The following LARGE1 variants were observed in gnomAD, a reference collection of about 807,000 sequenced individuals.
LARGE1 encodes the protein xylosyl- and glucuronyltransferase LARGE1.
In LARGE1, 43 loss-of-function variants were observed where a neutral mutation model predicts 87.6. The ratio of observed to expected loss-of-function variants is 0.49; its 90% CI spans 0.38 to 0.63. The LOEUF (loss-of-function observed/expected upper bound fraction) is 0.63. Among genes scored for constraint, LARGE1 ranks in the 30% least tolerant of loss-of-function variants. The pLI, the probability that LARGE1 is intolerant of heterozygous loss-of-function variation, is 0.00. For synonymous variants in LARGE1, 434 were observed against 394.6 expected (o/e 1.10, Z -1.18); for missense variants, 802 against 1,000.2 (o/e 0.80, Z 2.67).
At chr22:33,104,905 TTC>T in the LARGE1 span, among the ~76,000 whole-genome samples, 1 of 53,708 alleles carries the variant, frequency 1.9e-5, no homozygotes, top group Admixed American at 1.7e-4. Context: ...CTTTCTTTCT[TTC>T]TTTCTTTCTT....
intron 11 of LARGE1, among the ~76,000 whole-genome samples, chr22:33,181,755 C>T (rs1923177253): frequency 1.3e-5 from 2 of 150,978 alleles, no homozygotes; most frequent in Admixed American, 6.6e-5. Context: ...GTCTGGATCT[C>T]CTGACCTCGT....
intron 2 of LARGE1, among the ~76,000 whole-genome samples, chr22:33,722,797 G>A (rs2083147824): frequency 6.6e-6 from 1 of 152,174 alleles, no homozygotes; most frequent in Admixed American, 6.5e-5. Flanking sequence ...GACCCTGCAT[G>A]AGTTAACAAC....
At chr22:33,693,848 G>A (rs1040332049) in intron 2 of LARGE1, among the ~76,000 whole-genome samples, 1 of 151,976 alleles carries the variant, frequency 6.6e-6, no homozygotes, top group Admixed American at 6.6e-5. Context: ...AAAAAAAAGA[G>A]AGAGAAAAAA....
At chr22:33,687,504 T>C (rs2081979725) in intron 2 of LARGE1, among the ~76,000 whole-genome samples, 1 of 151,960 alleles carries the variant, frequency 6.6e-6, no homozygotes, top group Admixed American at 6.6e-5. Flanking sequence ...GACATTAACA[T>C]ATCCCCAGGG....
chr22:33,887,484 C>A (rs1468913118), intron 1 of LARGE1, among the ~76,000 whole-genome samples: 1 of 152,152 alleles, frequency 6.6e-6, no homozygotes, highest in Non-Finnish European at 1.5e-5. Flanking sequence ...CAGCTGTAAT[C>A]CTAGCACTTT....
At chr22:33,836,864 C>T (rs2063122539) in intron 1 of LARGE1, among the ~76,000 whole-genome samples, 1 of 151,468 alleles carries the variant, frequency 6.6e-6, no homozygotes, top group African/African-American at 2.4e-5. Flanking sequence ...TAAGTACCAA[C>T]TACCATTATG....
intron 1 of LARGE1, among the ~76,000 whole-genome samples, chr22:33,870,561 GT>G (rs2064246499): frequency 6.6e-6 from 1 of 150,412 alleles, no homozygotes; most frequent in Non-Finnish European, 1.5e-5. Flanking sequence ...TGTCTGTGTT[GT>G]TGTTGTTGTT....
chr22:33,408,416 T>C (rs1204523151), intron 7 of LARGE1, among the ~76,000 whole-genome samples: 2 of 152,172 alleles, frequency 1.3e-5, no homozygotes, highest in African/African-American at 4.8e-5. Context: ...CTTGCACACA[T>C]GTTTTTGTGT....
the LARGE1 span, among the ~76,000 whole-genome samples, chr22:33,137,510 G>A: frequency 1.3e-5 from 2 of 152,198 alleles, no homozygotes; most frequent in Admixed American, 1.3e-4. Context: ...TTTCTGAGGG[G>A]AAATTCAAGC....
At chr22:33,552,782 C>T (rs2077569527) in intron 6 of LARGE1, among the ~76,000 whole-genome samples, 1 of 152,212 alleles carries the variant, frequency 6.6e-6, no homozygotes, top group African/African-American at 2.4e-5. Flanking sequence ...TAAGTCACAT[C>T]TCAGTTTCGG....
At chr22:33,740,814 G>C (rs776786934) in intron 2 of LARGE1, among the ~76,000 whole-genome samples, 59 of 152,054 alleles carry the variant, frequency 3.9e-4, no homozygotes, top group Non-Finnish European at 7.5e-4. Flanking sequence ...AGCAAAAACA[G>C]TTCATGCCCT....
chr22:33,416,431 A>G (rs1423052412), intron 7 of LARGE1, among the ~76,000 whole-genome samples: 1 of 150,972 alleles, frequency 6.6e-6, no homozygotes, highest in Non-Finnish European at 1.5e-5. Context: ...GCAGGCCTCC[A>G]CTCTAGCTCT....
intron 6 of LARGE1, among the ~76,000 whole-genome samples, chr22:33,482,256 G>A (rs1016028843): frequency 3.9e-5 from 6 of 152,172 alleles, no homozygotes; most frequent in African/African-American, 1.4e-4. Context: ...CTCTTGCAAT[G>A]GGTCGGTGAT....
chr22:33,714,165 G>T (rs534573514), intron 2 of LARGE1, among the ~76,000 whole-genome samples: 35 of 152,270 alleles, frequency 2.3e-4, no homozygotes, highest in Non-Finnish European at 2.1e-4. Context: ...TACCACTGTG[G>T]TGACCAGCAG....
At chr22:33,784,847 TAG>T (rs1355391392) in intron 1 of LARGE1, among the ~76,000 whole-genome samples, 1 of 151,318 alleles carries the variant, frequency 6.6e-6, no homozygotes, top group Non-Finnish European at 1.5e-5. Flanking sequence ...TATACACACA[TAG>T]ACAGTTTATA....
chr22:33,878,709 A>G lies in LARGE1; in HGVS notation c.-83+41286T>C, dbSNP rs560094399. Among the ~76,000 whole-genome samples, 8 of 152,216 alleles carry G rather than the reference A, an allele frequency of 5.3e-5. 1 individual carries two copies. In the South Asian group the frequency reaches 1.5e-3, roughly 28 times the overall value. Reference sequence around the variant, plus strand: ...TCTTCCTGGTGCTCAACACTCATTTACCTCTACCTCTGAATCTAATCCTTA... The same window carrying G: ...TCTTCCTGGTGCTCAACACTCATTTGCCTCTACCTCTGAATCTAATCCTTA... On this transcript the variant is annotated intron_variant, in intron 1 of 14. Transcript: ENST00000397394.
At chr22:33,374,158 G>A (rs558576931) in intron 9 of LARGE1, among the ~76,000 whole-genome samples, 2 of 152,058 alleles carry the variant, frequency 1.3e-5, no homozygotes, top group African/African-American at 2.4e-5. Flanking sequence ...TAGTTTTCTT[G>A]TTTACATTCC....
intron 6 of LARGE1, among the ~76,000 whole-genome samples, chr22:33,482,052 A>T (rs1358500536): frequency 6.6e-6 from 1 of 152,186 alleles, no homozygotes; most frequent in Non-Finnish European, 1.5e-5. Flanking sequence ...ACTGTACTCC[A>T]CAAACTAGCT....
intron 5 of LARGE1, among the ~76,000 whole-genome samples, chr22:33,603,273 G>C (rs1438931673): frequency 6.6e-6 from 1 of 152,200 alleles, no homozygotes; most frequent in Non-Finnish European, 1.5e-5. Context: ...CAAGCAATTT[G>C]CCAGAGTCAG....
Sources: gnomAD v4.1 joint callset for allele counts (sites outside exome capture counted in the v4.1 genomes callset) on GRCh38, gnomAD v4.1.1 for gene constraint, MANE v1.5 for transcripts, NCBI Gene and HGNC (gene_info 2026-07-23, HGNC 2026-07-21) for gene names.